THEMIS: variants seen among roughly 807,000 people sequenced by gnomAD.
THEMIS encodes the protein thymocyte selection associated, also known as protein THEMIS.
Under a neutral mutation model 52.6 loss-of-function variants are expected in THEMIS, and 37 were observed. The observed-to-expected ratio is 0.70, with a 90% CI of 0.54 to 0.93. THEMIS has a LOEUF of 0.93. THEMIS is among the 40% of genes least tolerant of loss of function. The pLI, the probability that THEMIS is intolerant of heterozygous loss-of-function variation, is 0.00. For synonymous variants in THEMIS, 292 were observed against 272.7 expected (o/e 1.07, Z -0.70); for missense variants, 808 against 763.1 (o/e 1.06, Z -0.69).
chr6:127,846,923 A>C (rs915554049), intron 2 of THEMIS, among the ~76,000 whole-genome samples: 2 of 152,000 alleles, frequency 1.3e-5, no homozygotes, highest in African/African-American at 4.8e-5. Flanking sequence ...ATAGCAAATC[A>C]AAAAGATAAT....
intron 4 of THEMIS, among the ~76,000 whole-genome samples, chr6:127,762,055 G>A (rs930321888): frequency 2.6e-5 from 4 of 152,080 alleles, no homozygotes; most frequent in African/African-American, 9.7e-5. Context: ...ATACATACAA[G>A]GGGATACTAT....
At chr6:127,787,180 C>G (rs997691787) in intron 4 of THEMIS, among the ~76,000 whole-genome samples, 2 of 152,116 alleles carry the variant, frequency 1.3e-5, no homozygotes, top group African/African-American at 4.8e-5. Context: ...AAACAGGAAG[C>G]AAGATATAGG....
intron 2 of THEMIS, among the ~76,000 whole-genome samples, chr6:127,848,763 G>T (rs1354292643): frequency 2.0e-5 from 3 of 151,996 alleles, no homozygotes; most frequent in Admixed American, 6.6e-5. Flanking sequence ...CCCACTTTTT[G>T]ATGGGATTGT....
chr6:127,774,534 ACCAGAAACTGGC>A (rs1371714538), intron 4 of THEMIS, among the ~76,000 whole-genome samples: 2 of 152,168 alleles, frequency 1.3e-5, no homozygotes, highest in Non-Finnish European at 2.9e-5. Flanking sequence ...TACGGCTTAC[ACCAGAAACTGGC>A]CCAGAAACAC....
chr6:127,703,347 A>T (rs1004647311), downstream of THEMIS, among the ~76,000 whole-genome samples: 2 of 152,182 alleles, frequency 1.3e-5, no homozygotes, highest in Admixed American at 1.3e-4. Flanking sequence ...GCGCCCGGCT[A>T]GAATGAGTTT....
At chr6:127,844,111 T>TA (rs1458206637) in intron 2 of THEMIS, among the ~76,000 whole-genome samples, 6 of 151,980 alleles carry the variant, frequency 3.9e-5, no homozygotes, top group African/African-American at 1.4e-4. Flanking sequence ...ATATTGAACA[T>TA]TTGAAATCAC....
At chr6:127,737,165 T>TA (rs1179264813) in intron 4 of THEMIS, among the ~76,000 whole-genome samples, 7 of 152,208 alleles carry the variant, frequency 4.6e-5, no homozygotes, top group African/African-American at 1.4e-4. Flanking sequence ...AGAGTGTAGC[T>TA]ACTCCTGGCT....
At chr6:127,776,210 T>C (rs1360486166) in intron 4 of THEMIS, among the ~76,000 whole-genome samples, 1 of 152,238 alleles carries the variant, frequency 6.6e-6, no homozygotes, top group Admixed American at 6.5e-5. Context: ...TATTCTGTGG[T>C]AGGCAGTTTT....
At chr6:127,734,913 A>ATATATATG (rs1398876841) in intron 4 of THEMIS, among the ~76,000 whole-genome samples, 3 of 106,450 alleles carry the variant, frequency 2.8e-5, no homozygotes, top group African/African-American at 7.8e-5. Flanking sequence ...ATATATATAT[A>ATATATATG]TGTGTGTGTG....
chr6:127,828,966 T>C (rs889598261), intron 3 of THEMIS, among the ~76,000 whole-genome samples: 1 of 152,150 alleles, frequency 6.6e-6, no homozygotes, highest in Admixed American at 6.5e-5. Context: ...ATTTGTCATA[T>C]AATTTTCCCT....
chr6:127,784,440 C>T (rs919771035), intron 4 of THEMIS, among the ~76,000 whole-genome samples: 4 of 152,124 alleles, frequency 2.6e-5, no homozygotes, highest in African/African-American at 9.7e-5. Context: ...TAGGCTATAT[C>T]CCTCTTGCTT....
intron 4 of THEMIS, among the ~76,000 whole-genome samples, chr6:127,795,477 T>C (rs1473683739): frequency 2.0e-5 from 3 of 152,092 alleles, no homozygotes; most frequent in African/African-American, 7.2e-5. Context: ...TACAGGTGCC[T>C]GCCACCACAC....
At chr6:127,910,694 T>C (rs1166359599) in intron 1 of THEMIS, among the ~76,000 whole-genome samples, 2 of 152,226 alleles carry the variant, frequency 1.3e-5, no homozygotes, top group Non-Finnish European at 2.9e-5. Flanking sequence ...AGAGATTTCC[T>C]GTATACCCAT....
chr6:127,874,790 A>G (rs1780265602), intron 1 of THEMIS, among the ~76,000 whole-genome samples: 1 of 152,226 alleles, frequency 6.6e-6, no homozygotes, highest in African/African-American at 2.4e-5. Flanking sequence ...TTGTCTCTTG[A>G]CTGTAACAAT....
chr6:127,802,145 T>C (rs758666943), intron 4 of THEMIS, among the ~76,000 whole-genome samples: 1 of 152,182 alleles, frequency 6.6e-6, no homozygotes, highest in Non-Finnish European at 1.5e-5. Context: ...TGATCTTCCT[T>C]GGTTTAATGT....
At chr6:127,828,574 T>C (rs1459601654) in intron 3 of THEMIS, among the ~76,000 whole-genome samples, 1 of 152,168 alleles carries the variant, frequency 6.6e-6, no homozygotes, top group Non-Finnish European at 1.5e-5. Flanking sequence ...ATCCTGAAAA[T>C]TCAAGGTATT....
chr6:127,703,256 C>G (rs1773751211), downstream of THEMIS, among the ~76,000 whole-genome samples: 1 of 151,682 alleles, frequency 6.6e-6, no homozygotes, highest in Non-Finnish European at 1.5e-5. Flanking sequence ...ACCGTTTTAG[C>G]CGGGATGGTC....
intron 1 of THEMIS, among the ~76,000 whole-genome samples, chr6:127,909,415 A>T (rs1781356040): frequency 6.6e-6 from 1 of 152,002 alleles, no homozygotes. Context: ...TTCTCACGAG[A>T]TCTGATGGTT....
chr6:127,845,534 C>G (rs551496144), intron 2 of THEMIS, among the ~76,000 whole-genome samples: 157 of 151,962 alleles, frequency 1.0e-3, no homozygotes, highest in African/African-American at 3.6e-3. Flanking sequence ...AAAAAATAAT[C>G]AACTTGACAG....
Sources: allele counts gnomAD v4.1 joint callset (sites outside exome capture counted in the v4.1 genomes callset), GRCh38; gene constraint gnomAD v4.1.1; transcripts MANE v1.5; gene names NCBI Gene and HGNC (gene_info 2026-07-23, HGNC 2026-07-21).